Variants in ADD3 observed in about 807,000 individuals in gnomAD.
The protein encoded by ADD3 is adducin 3.
Under a neutral mutation model 80.2 loss-of-function variants are expected in ADD3, and 25 were observed. The observed-to-expected ratio is 0.31, with a 90% confidence interval of 0.23 to 0.44. The LOEUF is 0.44. ADD3 is among the 20% of genes least tolerant of loss of function. The pLI is 1.00. For synonymous variants in ADD3, 284 were observed against 289.6 expected (o/e 0.98, Z 0.20); for missense variants, 829 against 847.5 (o/e 0.98, Z 0.27).
chr10:110,121,503 TAAAG>T (rs1851495054), intron 8 of ADD3, among the ~76,000 whole-genome samples: 2 of 151,698 alleles, frequency 1.3e-5, no homozygotes, highest in Admixed American at 6.6e-5. Context: ...AATAAATAAA[TAAAG>T]CAAATTCTCA....
chr10:110,091,483 C>T (rs1847505495), intron 1 of ADD3, among the ~76,000 whole-genome samples: 1 of 152,166 alleles, frequency 6.6e-6, no homozygotes, highest in African/African-American at 2.4e-5. Flanking sequence ...AAGCCACACA[C>T]ATACAACCAT....
intron 12 of ADD3, 48 bp from the exon 13 acceptor site, chr10:110,130,315 T>G: frequency 6.3e-7 from 1 of 1,585,788 alleles, no homozygotes; most frequent in African/African-American, 1.3e-5. Flanking sequence ...GATAGATATA[T>G]AAGTAAAACT....
intron 1 of ADD3, among the ~76,000 whole-genome samples, chr10:110,010,750 C>T (rs1014725569): frequency 6.6e-6 from 1 of 152,192 alleles, no homozygotes; most frequent in Non-Finnish European, 1.5e-5. Context: ...CAAGGTGACA[C>T]AGGTTGGTTC....
At chr10:110,041,336 G>C (rs1856338514) in intron 1 of ADD3, among the ~76,000 whole-genome samples, 1 of 152,166 alleles carries the variant, frequency 6.6e-6, no homozygotes, top group African/African-American at 2.4e-5. Context: ...ACCAGGGATG[G>C]AACTCTGTTG....
At chr10:110,120,224 C>A (rs1253759544) in intron 8 of ADD3, among the ~76,000 whole-genome samples, 1 of 106,084 alleles carries the variant, frequency 9.4e-6, no homozygotes, top group East Asian at 3.5e-4. Context: ...TCCCTCCCCC[C>A]TCCCCCCACC....
intron 1 of ADD3, among the ~76,000 whole-genome samples, chr10:110,015,943 G>T (rs1852938083): frequency 6.6e-6 from 1 of 152,194 alleles, no homozygotes; most frequent in African/African-American, 2.4e-5. Flanking sequence ...ATTTGCTTGA[G>T]ATAGTAATAA....
intron 2 of ADD3, chr10:110,105,915 A>T (rs553525721): frequency 2.6e-4 from 40 of 152,308 alleles, no homozygotes; most frequent in African/African-American, 9.1e-4. Flanking sequence ...TCTAACCTTT[A>T]GCTTCATGTT....
At chr10:110,015,557 G>T (rs2133019920) in intron 1 of ADD3, among the ~76,000 whole-genome samples, 1 of 152,042 alleles carries the variant, frequency 6.6e-6, no homozygotes, top group South Asian at 2.1e-4. Flanking sequence ...TTATATTTTA[G>T]TGGAGACAGG....
chr10:110,003,471 T>C (rs930908310), upstream of ADD3, among the ~76,000 whole-genome samples: 2 of 150,862 alleles, frequency 1.3e-5, no homozygotes, highest in African/African-American at 5.0e-5. Flanking sequence ...ACCTTATATT[T>C]ACATAGTGCT....
At chr10:110,037,715 C>T (rs1288641518) in intron 1 of ADD3, among the ~76,000 whole-genome samples, 1 of 151,858 alleles carries the variant, frequency 6.6e-6, no homozygotes, top group African/African-American at 2.4e-5. Flanking sequence ...CTGCATTCAG[C>T]ACTATTTTTA....
Position 110,125,869 on chromosome 10 carries a change from C to T in ADD3, c.1445C>T (p.Pro482Leu). ...TCATCTAAAGTTAGTGGTGGAACACCTATCAAAATTGAAGATCCAAATCAG... is the reference window on the plus strand; with the variant it reads ...TCATCTAAAGTTAGTGGTGGAACACTTATCAAAATTGAAGATCCAAATCAG... ...EDSSKVSGGT[P>L]IKIEDPNQFV... is the part of the protein sequence containing the mutation. Residue 482 changes from proline to leucine, a missense_variant, in exon 11 of 15, where the codon CCT (proline) becomes CTT (leucine). Pro to Leu is a moderately conservative substitution (Grantham distance 98). Coordinates refer to ENST00000356080, the MANE Select transcript of ADD3 (RefSeq NM_016824.5). The T allele has an allele frequency of 6.2e-7, 1 of 1,609,798 alleles. No individual in the cohort carries two copies. Among genetic ancestry groups the T allele is most frequent in the African/African-American group, 1.3e-5 (1 of 74,946 alleles).
chr10:110,112,707 T>C, intron 2 of ADD3, 70 bp from the exon 3 acceptor site: 2 of 1,525,494 alleles, frequency 1.3e-6, no homozygotes, highest in Non-Finnish European at 1.8e-6. Flanking sequence ...TAAAGATTGA[T>C]TGTATCGGAA....
rs17126950 is a variant in ADD3 at position 110,015,849 on chromosome 10, C to T, written c.-30+7550C>T. 9.0e-3 allele frequency among the ~76,000 whole-genome samples: 1,365 copies of T among 152,200 alleles called. 72 individuals are homozygous for T. In the East Asian group the frequency reaches 0.15, roughly 16 times the overall value. On this transcript the variant is annotated intron_variant, in intron 1 of 14. Coordinates refer to ENST00000356080, the MANE Select transcript of ADD3 (RefSeq NM_016824.5). ...GTAAAACATGCGATAGACAAGGGTC[C>T]GGTCACTAGCCACAGAAAGGCTGTC...
In ADD3 at chr10:110,133,683, G is replaced by A. The variant is rs1853361540; in HGVS notation, c.*65G>A. On this transcript the variant is annotated 3_prime_UTR_variant, in exon 15 of 15. Transcript: ENST00000356080. ...TTGCACATCTAAATACCACATTTAA[G>A]TTGATCATTAATATGCAATGGTAGA... 2.3e-6 allele frequency: 3 copies of A among 1,324,554 alleles called. No homozygotes were observed. Among genetic ancestry groups the A allele is most frequent in the East Asian group, 2.4e-5 (1 of 41,294 alleles). 82.1% of individuals were successfully genotyped at this position (1,324,554 alleles called of 1,614,324 possible). A position where few individuals can be genotyped will look rare whatever the true frequency, so the allele number is the denominator to read the frequency against.
intron 1 of ADD3, among the ~76,000 whole-genome samples, chr10:110,056,837 C>T (rs1325939582): frequency 2.0e-5 from 3 of 152,168 alleles, no homozygotes; most frequent in African/African-American, 7.2e-5. Context: ...TACCCTTAAC[C>T]ATGCACCTGG....
Position 110,133,462 on chromosome 10 carries a change from A to G in ADD3, c.1965A>G (p.Ile655Met), listed in dbSNP as rs140500670. 6.2e-7 allele frequency: 1 copy of G among 1,613,870 alleles called. No homozygotes were observed. Among genetic ancestry groups the G allele is most frequent in the Non-Finnish European group, 8.5e-7 (1 of 1,179,928 alleles). ...GTAGGTTAAGCACAAGTACAACCAT[A>G]GAAAACATCGAGATTACTATTAAGT... is the stretch of plus-strand genomic sequence containing the variant. ...RVSRLSTSTT[I>M]ENIEITIKSP... The change falls in exon 15 of 15, where the codon ATA (isoleucine) becomes ATG (methionine). Residue 655 changes from isoleucine (I) to methionine (M), a missense_variant. Coordinates refer to ENST00000356080, the MANE Select transcript of ADD3 (RefSeq NM_016824.5).
chr10:110,031,016 C>T (rs1854946445), intron 1 of ADD3, among the ~76,000 whole-genome samples: 1 of 152,018 alleles, frequency 6.6e-6, no homozygotes. Context: ...TGGCTCACGC[C>T]TGTAATCCCA....
intron 1 of ADD3, among the ~76,000 whole-genome samples, chr10:110,010,428 G>GTGTA (rs1462548121): frequency 6.6e-6 from 1 of 152,168 alleles, no homozygotes; most frequent in Non-Finnish European, 1.5e-5. Flanking sequence ...TGAACAAACT[G>GTGTA]TGTAGCGTGT....
chr10:110,125,620 G>A (rs1055798298), intron 10 of ADD3: 26 of 343,950 alleles, frequency 7.6e-5, no homozygotes, highest in Non-Finnish European at 1.1e-4. Flanking sequence ...TATGTGAATC[G>A]TAATGGCATT....
Sources: allele counts gnomAD v4.1 joint callset (sites outside exome capture counted in the v4.1 genomes callset), GRCh38; gene constraint gnomAD v4.1.1; transcripts MANE v1.5; gene names NCBI Gene and HGNC (gene_info 2026-07-23, HGNC 2026-07-21).